The following ABHD15 variants were observed in gnomAD, a reference collection of about 807,000 sequenced individuals.
The protein encoded by ABHD15 is protein ABHD15.
Under a neutral mutation model 34.4 loss-of-function variants are expected in ABHD15, and 34 were observed. The ratio of observed to expected loss-of-function variants is 0.99; its 90% CI spans 0.75 to 1.32. ABHD15 has a LOEUF of 1.32. Ranked by LOEUF, ABHD15 falls within the 40% of genes most tolerant of loss-of-function variation. The pLI is 0.00. For missense variants in ABHD15, 644 were observed against 650.4 expected, an observed-to-expected ratio of 0.99 and a Z score of 0.11; for synonymous variants, 314 against 299.2, an observed-to-expected ratio of 1.05 and a Z score of -0.51.
chr17:29,563,123 A>G, intron 1 of ABHD15, 37 bp from the exon 2 acceptor site: 1 of 1,569,410 alleles, frequency 6.4e-7, no homozygotes, highest in Non-Finnish European at 8.6e-7. Context: ...GGTGGGAAAG[A>G]GAGGGAAGAA....
At position 29,562,931 on chromosome 17, in the gene ABHD15, T is replaced by G; in HGVS notation, c.1037A>C (p.Asp346Ala). The change falls in exon 2 of 2, where the codon GAT becomes GCT. Residue 346 changes from aspartate (D) to alanine (A), a missense_variant. Coordinates refer to ENST00000307201, the MANE Select transcript of ABHD15 (RefSeq NM_198147.3). ...WDRNDPLRDVDEAAVPVLCIC... is the reference protein window; with the variant it reads ...WDRNDPLRDVAEAAVPVLCIC... ...ACACAGCACAGGCACGGCTGCCTCA[T>G]CGACATCCCGGAGCGGGTCGTTGCG... The G allele has an allele frequency of 6.2e-7, 1 of 1,614,056 alleles. No individual in the cohort carries two copies. The highest frequency in any genetic ancestry group is 8.5e-7 in the Non-Finnish European group (1 of 1,180,026).
rs935858800 is a variant in ABHD15 at position 29,560,894 on chromosome 17, T to C, written c.*1667A>G. On this transcript the variant is annotated 3_prime_UTR_variant, in exon 2 of 2. Coordinates refer to ENST00000307201, the MANE Select transcript of ABHD15 (RefSeq NM_198147.3). ...TGGTCTCGATCTCCTGACCTCGTGA[T>C]CCACCCACCTCGGCCTCCCAAAGTG... 6.6e-6 allele frequency: 1 copy of C among 152,204 alleles called. No homozygotes were observed. The highest frequency in any genetic ancestry group is 6.6e-5 in the Admixed American group (1 of 15,262). The allele number at this position is 152,204 out of a possible 1,614,324, so 9.4% of individuals were successfully genotyped here. A position where few individuals can be genotyped will look rare whatever the true frequency, so the allele number is the denominator to read the frequency against.
At chr17:29,564,104 T>C (rs1043095420) in intron 1 of ABHD15, among the ~76,000 whole-genome samples, 1 of 152,242 alleles carries the variant, frequency 6.6e-6, no homozygotes, top group Non-Finnish European at 1.5e-5. Context: ...ACAGTTCTCC[T>C]AACCTCAACT....
Position 29,566,373 on chromosome 17 carries a change from AC to A in ABHD15, c.593del (p.Gly198ValfsTer37), listed in dbSNP as rs750217093. 2 of 1,610,924 alleles carry A rather than the reference AC, an allele frequency of 1.2e-6. No individual in the cohort carries two copies. Among genetic ancestry groups the A allele is most frequent in the South Asian group, 1.1e-5 (1 of 90,974 alleles). ...PVIFHRRGHH[G>X]CPLVSPRLQP... ...GCAGCCGGGGGCTGACCAGTGGGCA[AC>A]CGTGGTGGCCGCGGCGATGGAAGAT... is the stretch of plus-strand genomic sequence containing the variant. On this transcript the variant is annotated frameshift_variant, in exon 1 of 2. Transcript: ENST00000307201. LOFTEE classifies it high-confidence loss of function.
In ABHD15 at chr17:29,566,230, T is replaced by C. The variant is rs780130012; in HGVS notation, c.737A>G (p.Tyr246Cys). Reference sequence around the variant, plus strand: ...GCTGGAGGAGCCGCACTCGCCCAGGTAGGACAGGAGCAGCGCCGAGCCCGA... The same window carrying C: ...GCTGGAGGAGCCGCACTCGCCCAGGCAGGACAGGAGCAGCGCCGAGCCCGA... The part of the protein sequence containing the change: ...EGSGSALLLS[Y>C]LGECGSSSYV... The change falls in exon 1 of 2, where the codon TAC (tyrosine) becomes TGC (cysteine). Residue 246 changes from tyrosine to cysteine, a missense_variant. Transcript: ENST00000307201. 3 of 1,610,956 alleles carry C rather than the reference T, an allele frequency of 1.9e-6. No individual in the cohort carries two copies. Among genetic ancestry groups the C allele is most frequent in the Non-Finnish European group, 2.5e-6 (3 of 1,179,002 alleles).
chr17:29,563,677 C>T (rs997686928), intron 1 of ABHD15, among the ~76,000 whole-genome samples: 1 of 151,950 alleles, frequency 6.6e-6, no homozygotes, highest in Admixed American at 6.6e-5. Context: ...CTGGCCAACA[C>T]GGTGAAACCC....
chr17:29,561,295 C>T lies in ABHD15; in HGVS notation c.*1266G>A, dbSNP rs1344529363. The T allele has an allele frequency of 1.3e-5, 2 of 152,164 alleles. No homozygotes were observed. The highest frequency in any genetic ancestry group is 2.4e-5 in the African/African-American group (1 of 41,438). 9.4% of individuals were successfully genotyped at this position (152,164 alleles called of 1,614,324 possible). On this transcript the variant is annotated 3_prime_UTR_variant, in exon 2 of 2. Coordinates refer to ENST00000307201, the MANE Select transcript of ABHD15 (RefSeq NM_198147.3). Reference sequence around the variant, plus strand: ...TTAGCAACACATGGAAACATATGTCCTGTTGCCAAAAAAATTTTAATTGCC... The same window carrying T: ...TTAGCAACACATGGAAACATATGTCTTGTTGCCAAAAAAATTTTAATTGCC...
At chr17:29,565,265 A>T (rs1347136853) in intron 1 of ABHD15, among the ~76,000 whole-genome samples, 1 of 152,234 alleles carries the variant, frequency 6.6e-6, no homozygotes, top group Admixed American at 6.5e-5. Context: ...TAAAAAAAAA[A>T]ATACTTTTAA....
Position 29,566,626 on chromosome 17 carries a change from A to G in ABHD15, c.341T>C (p.Leu114Pro), listed in dbSNP as rs1023827355. The stretch of plus-strand genomic sequence containing the variant: ...CAGCTCAGGCCCAGGCGCTACGGGC[A>G]GGACGAAGTGGCAGAGGGTCTGCAG... Reference protein sequence around the residue: ...PHLQTLCHFVLPVAPGPELAR... With the variant: ...PHLQTLCHFVPPVAPGPELAR... Residue 114 changes from leucine to proline, a missense_variant, in exon 1 of 2, where the codon CTG (leucine) becomes CCG (proline). Leu to Pro is a moderately conservative substitution (Grantham distance 98, BLOSUM62 -3). Transcript: ENST00000307201. The G allele has an allele frequency of 2.5e-6, 4 of 1,608,082 alleles. No homozygotes were observed. Among genetic ancestry groups the G allele is most frequent in the Non-Finnish European group, 3.4e-6 (4 of 1,179,668 alleles).
Position 29,562,356 on chromosome 17 carries a change from C to A in ABHD15, c.*205G>T. 1.8e-6 allele frequency: 1 copy of A among 549,424 alleles called. No homozygotes were observed. The highest frequency in any genetic ancestry group is 3.0e-5 in the East Asian group (1 of 33,668). The allele number at this position is 549,424 out of a possible 1,614,324, so 34.0% of individuals were successfully genotyped here. On this transcript the variant is annotated 3_prime_UTR_variant, in exon 2 of 2. Coordinates refer to ENST00000307201, the MANE Select transcript of ABHD15 (RefSeq NM_198147.3). The stretch of plus-strand genomic sequence containing the variant: ...GAGTAGGGATATGTTGAGCAGAGGC[C>A]AGGCAGGAGTTCTGCTGAGGATGAA...
chr17:29,565,487 C>T (rs1422979237), intron 1 of ABHD15, among the ~76,000 whole-genome samples: 2 of 151,972 alleles, frequency 1.3e-5, no homozygotes, highest in Non-Finnish European at 2.9e-5. Context: ...GCCACCACAC[C>T]CGGCTAATTA....
rs368582873 is a variant in ABHD15 at position 29,562,311 on chromosome 17, C to T, written c.*250G>A. The T allele has an allele frequency of 8.9e-5, 35 of 395,238 alleles. No individual in the cohort carries two copies. The highest frequency in any genetic ancestry group is 2.9e-4 in the East Asian group (7 of 24,528). The allele number at this position is 395,238 out of a possible 1,614,324, so 24.5% of individuals were successfully genotyped here. A position where few individuals can be genotyped will look rare whatever the true frequency, so the allele number is the denominator to read the frequency against. ...CAGTGACAGGTGACAGTGACTGGAA[C>T]GCGCCGCTGCTGACCGGATGAGTAG... is the stretch of plus-strand genomic sequence containing the variant. On this transcript the variant is annotated 3_prime_UTR_variant, in exon 2 of 2. Transcript: ENST00000307201.
chr17:29,566,788 C>A lies in ABHD15; in HGVS notation c.179G>T (p.Ser60Ile). 6.6e-7 allele frequency: 1 copy of A among 1,513,450 alleles called. No homozygotes were observed. 93.8% of individuals were successfully genotyped at this position (1,513,450 alleles called of 1,614,324 possible). Residue 60 changes from serine (S) to isoleucine (I), a missense_variant, in exon 1 of 2, where the codon AGC becomes ATC. By Grantham distance (142) the Ser-to-Ile change is moderately radical. Transcript: ENST00000307201. Reference protein sequence around the residue: ...ADGGGPADQFSDGREPLPGGC... With the variant: ...ADGGGPADQFIDGREPLPGGC... Reference sequence around the variant, plus strand: ...TCCCGGCAGTGGCTCGCGCCCGTCGCTGAACTGGTCCGCCGGGCCTCCGCC... The same window carrying A: ...TCCCGGCAGTGGCTCGCGCCCGTCGATGAACTGGTCCGCCGGGCCTCCGCC...
In ABHD15 at chr17:29,566,611, C is replaced by G. The variant is rs769296979; in HGVS notation, c.356G>C (p.Gly119Ala). Residue 119 changes from glycine (G) to alanine (A), a missense_variant, in exon 1 of 2, where the codon GGG becomes GCG. Transcript: ENST00000307201. The part of the protein sequence containing the change: ...LCHFVLPVAP[G>A]PELAREYLQL... The stretch of plus-strand genomic sequence containing the variant: ...CAGGTACTCCCGGGCCAGCTCAGGC[C>G]CAGGCGCTACGGGCAGGACGAAGTG... 2 of 1,608,988 alleles carry G rather than the reference C, an allele frequency of 1.2e-6. No individual in the cohort carries two copies. The highest frequency in any genetic ancestry group is 3.3e-5 in the Admixed American group (2 of 59,972).
rs2032734058 is a variant in ABHD15, at chr17:29,567,011, C to G, written c.-45G>C. ...GGCGGGCAGCGGGCGGCGGGGCCGT[C>G]TACTCGGCGAGCTCCGCGCTTTGCC... is the stretch of plus-strand genomic sequence containing the variant. On this transcript the variant is annotated 5_prime_UTR_variant, in exon 1 of 2. Transcript: ENST00000307201. The surrounding 1 kb of genome is among the most constrained non-coding windows in gnomAD (Gnocchi z 6.6). 1.6e-6 allele frequency: 2 copies of G among 1,264,336 alleles called. No homozygotes were observed. Among genetic ancestry groups the G allele is most frequent in the Non-Finnish European group, 2.0e-6 (2 of 1,008,712 alleles). 78.3% of individuals were successfully genotyped at this position (1,264,336 alleles called of 1,614,324 possible). A position where few individuals can be genotyped will look rare whatever the true frequency, so the allele number is the denominator to read the frequency against.
Position 29,563,052 on chromosome 17 carries a change from TGGTGTCCAC to T in ABHD15, c.907_915del (p.Val303_Thr305del). ...AGGGAACGGCTCCTGAACAGTCTGC[TGGTGTCCAC>T]AGTGTCCTCCAGGGCTGTGGCATAC... On this transcript the variant is annotated inframe_deletion, in exon 2 of 2. Transcript: ENST00000307201. 1 of 1,609,704 alleles carries T rather than the reference TGGTGTCCAC, an allele frequency of 6.2e-7. No individual in the cohort carries two copies. Among genetic ancestry groups the T allele is most frequent in the Non-Finnish European group, 8.5e-7 (1 of 1,179,912 alleles).
At chr17:29,566,033 C>T (rs1264617539) in intron 1 of ABHD15, 53 bp downstream of exon 1, 2 of 1,503,626 alleles carry the variant, frequency 1.3e-6, no homozygotes, top group African/African-American at 2.8e-5. Context: ...TGATTCTTAG[C>T]CAGCTCAGGC....
Position 29,562,400 on chromosome 17 carries a change from G to A in ABHD15, c.*161C>T. Reference sequence around the variant, plus strand: ...GGATGAAGTGAGTGCAGGCTCGCAGGACGTTCCTTCTCTTTCAAGGCACCA... The same window carrying A: ...GGATGAAGTGAGTGCAGGCTCGCAGAACGTTCCTTCTCTTTCAAGGCACCA... On this transcript the variant is annotated 3_prime_UTR_variant, in exon 2 of 2. Transcript: ENST00000307201. 1 of 781,424 alleles carries A rather than the reference G, an allele frequency of 1.3e-6. No homozygotes were observed. The highest frequency in any genetic ancestry group is 2.5e-5 in the Admixed American group (1 of 39,902). The allele number at this position is 781,424 out of a possible 1,614,324, so 48.4% of individuals were successfully genotyped here.
intron 1 of ABHD15, among the ~76,000 whole-genome samples, chr17:29,564,105 A>G (rs1244094419): frequency 6.6e-6 from 1 of 152,216 alleles, no homozygotes; most frequent in Non-Finnish European, 1.5e-5. Context: ...CAGTTCTCCT[A>G]ACCTCAACTT....
Sources: gnomAD v4.1 joint callset for allele counts (sites outside exome capture counted in the v4.1 genomes callset) on GRCh38, gnomAD v4.1.1 for gene constraint, Gnocchi (gnomAD v3.1) non-coding constraint, MANE v1.5 for transcripts, NCBI Gene and HGNC (gene_info 2026-07-23, HGNC 2026-07-21) for gene names.